Variants in DCST2 observed in about 807,000 individuals in gnomAD.
The protein encoded by DCST2 is DC-STAMP domain-containing protein 2.
DCST2 carries 64 observed loss-of-function variants against 81.8 expected under a neutral mutation model. That is an observed-to-expected ratio of 0.78 (90% CI 0.64 to 0.96). The LOEUF (loss-of-function observed/expected upper bound fraction) is 0.96, where lower values mean the gene tolerates loss of function less well. DCST2 is among the 40% of genes least tolerant of loss of function. DCST2 has a pLI of 0.00. For missense variants in DCST2, 945 were observed against 1,001.4 expected, an observed-to-expected ratio of 0.94 and a Z score of 0.76; for synonymous variants, 354 against 402.6, an observed-to-expected ratio of 0.88 and a Z score of 1.44.
chr1:155,023,624 T>C, intron 12 of DCST2, 167 bp from the exon 13 acceptor site: 1 of 1,546,972 alleles, frequency 6.5e-7, no homozygotes. Context: ...ATAAATCCTA[T>C]TCATAAATAC....
rs540622407 is a variant in DCST2 at position 155,032,849 on chromosome 1, A to G, written c.440-81T>C. The G allele has an allele frequency of 6.5e-5, 87 of 1,328,778 alleles. No homozygotes were observed. In the African/African-American group the frequency reaches 1.1e-3, roughly 17 times the overall value. The allele number at this position is 1,328,778 out of a possible 1,614,324, so 82.3% of individuals were successfully genotyped here. A position where few individuals can be genotyped will look rare whatever the true frequency, so the allele number is the denominator to read the frequency against. ...CACCATTGCCCCTTAAGCAGGGAGTAGAGAGGAGGCCACCATTTCCAGAGG... is the reference window on the plus strand; with the variant it reads ...CACCATTGCCCCTTAAGCAGGGAGTGGAGAGGAGGCCACCATTTCCAGAGG... On this transcript the variant is annotated intron_variant, in intron 2 of 14. Coordinates refer to ENST00000368424, the MANE Select transcript of DCST2 (RefSeq NM_144622.3).
rs1411947415 is a variant in DCST2, at chr1:155,030,823, A to G, written c.806-178T>C. On this transcript the variant is annotated intron_variant, in intron 5 of 14. Coordinates refer to ENST00000368424, the MANE Select transcript of DCST2 (RefSeq NM_144622.3). ...GACAAAGCCTCCACGTATCTGTGCCATCGCCATCACATGCTCAGCACCCAG... is the reference window on the plus strand; with the variant it reads ...GACAAAGCCTCCACGTATCTGTGCCGTCGCCATCACATGCTCAGCACCCAG... 6 of 647,332 alleles carry G rather than the reference A, an allele frequency of 9.3e-6. No homozygotes were observed. The East Asian group carries it at 1.4e-4, about 15-fold the overall frequency. The allele number at this position is 647,332 out of a possible 1,614,324, so 40.1% of individuals were successfully genotyped here. A position where few individuals can be genotyped will look rare whatever the true frequency, so the allele number is the denominator to read the frequency against.
At chr1:155,025,072 G>A (rs886681015) in intron 10 of DCST2, among the ~76,000 whole-genome samples, 22 of 151,368 alleles carry the variant, frequency 1.5e-4, no homozygotes, top group African/African-American at 3.6e-4. Flanking sequence ...GTTTGAACCC[G>A]GGAGGCGGAG....
intron 9 of DCST2, 23 bp downstream of exon 9, chr1:155,026,525 G>A (rs759661176): frequency 3.1e-6 from 5 of 1,613,568 alleles, no homozygotes; most frequent in Non-Finnish European, 4.2e-6. Context: ...ACGCCCCCAG[G>A]GACCTCAGGG....
chr1:155,028,429 A>G (rs1477758290), intron 8 of DCST2, among the ~76,000 whole-genome samples: 2 of 152,158 alleles, frequency 1.3e-5, no homozygotes, highest in Non-Finnish European at 2.9e-5. Flanking sequence ...CGTCTCAACT[A>G]AAAATACAAC....
intron 14 of DCST2, 121 bp from the exon 15 acceptor site, chr1:155,018,881 G>T: frequency 1.0e-6 from 1 of 968,844 alleles, no homozygotes; most frequent in Non-Finnish European, 1.5e-6. Flanking sequence ...AGCAACTCCT[G>T]CTCTCTCAGG....
At chr1:155,019,694 A>C (rs1232131361) in intron 14 of DCST2, among the ~76,000 whole-genome samples, 4 of 152,122 alleles carry the variant, frequency 2.6e-5, no homozygotes, top group Non-Finnish European at 5.9e-5. Context: ...TTCTCACTCC[A>C]TCTTGTCCTC....
At chr1:155,025,611 G>A (rs1659878548) in intron 10 of DCST2, among the ~76,000 whole-genome samples, 1 of 152,094 alleles carries the variant, frequency 6.6e-6, no homozygotes, top group Non-Finnish European at 1.5e-5. Context: ...ACAGGCATGA[G>A]CCACCAAACC....
chr1:155,029,941 T>A, intron 7 of DCST2, 143 bp downstream of exon 7: 1 of 1,288,574 alleles, frequency 7.8e-7, no homozygotes. Context: ...TTCCTTAAGC[T>A]CTGGGTTGTG....
chr1:155,020,479 T>C (rs4845701), intron 14 of DCST2, among the ~76,000 whole-genome samples: 87,934 of 152,018 alleles, frequency 0.58, 26,007 homozygotes, highest in East Asian at 0.9. Flanking sequence ...AAGTGATTCT[T>C]CTGCCTCAGC....
chr1:155,033,174 C>A lies in DCST2; in HGVS notation c.359G>T (p.Ser120Ile). 6.2e-7 allele frequency: 1 copy of A among 1,612,958 alleles called. No homozygotes were observed. The highest frequency in any genetic ancestry group is 8.5e-7 in the Non-Finnish European group (1 of 1,179,546). Residue 120 changes from serine (S) to isoleucine (I), a missense_variant, in exon 2 of 15, where the codon AGC becomes ATC. Ser to Ile is a moderately radical substitution (Grantham distance 142). Transcript: ENST00000368424. Reference sequence around the variant, plus strand: ...CTCTGCCCCACAGGCTACAGCCTCGCTGGCCCGGGTGAAGTTGCGTAGAGT... The same window carrying A: ...CTCTGCCCCACAGGCTACAGCCTCGATGGCCCGGGTGAAGTTGCGTAGAGT... Reference protein sequence around the residue: ...ANTLRNFTRASEAVACGAELA... With the variant: ...ANTLRNFTRAIEAVACGAELA...
Position 155,018,658 on chromosome 1 carries a change from G to C in DCST2, c.2208C>G (p.His736Gln). The change falls in exon 15 of 15, where the codon CAC (histidine) becomes CAG (glutamine). Residue 736 changes from histidine to glutamine, a missense_variant. By Grantham distance (24) the His-to-Gln change is conservative (BLOSUM62 0). Transcript: ENST00000368424. The stretch of plus-strand genomic sequence containing the variant: ...TGGCGGAGGATGTCTCAGGTGGTCT[G>C]TGGGGCTCAGGGCTGGTGAGAATGC... ...PVSILTSPEP[H>Q]RPPETSSATK... is the part of the protein sequence containing the mutation. 1 of 1,613,982 alleles carries C rather than the reference G, an allele frequency of 6.2e-7. No homozygotes were observed. Among genetic ancestry groups the C allele is most frequent in the Non-Finnish European group, 8.5e-7 (1 of 1,179,946 alleles).
chr1:155,024,441 C>A, intron 11 of DCST2, 31 bp downstream of exon 11: 1 of 1,555,758 alleles, frequency 6.4e-7, no homozygotes, highest in Admixed American at 1.9e-5. Flanking sequence ...CCCCTCTTGC[C>A]CCACCCCTAT....
Position 155,026,559 on chromosome 1 carries a change from T to C in DCST2, c.1499A>G (p.Tyr500Cys), listed in dbSNP as rs138732547. The stretch of plus-strand genomic sequence containing the variant: ...GGTGTAGTTGATACCAATGACTATG[T>C]AGCCAGTGCTGTCAGGCTCCGAGGG... Reference protein sequence around the residue: ...LRPSEPDSTGYIVIGVMYGLC... With the variant: ...LRPSEPDSTGCIVIGVMYGLC... The change falls in exon 9 of 15, where the codon TAC becomes TGC. Residue 500 changes from tyrosine to cysteine, a missense_variant. By Grantham distance (194) the Tyr-to-Cys change is radical (BLOSUM62 -2). Coordinates refer to ENST00000368424, the MANE Select transcript of DCST2 (RefSeq NM_144622.3). 7 of 1,614,186 alleles carry C rather than the reference T, an allele frequency of 4.3e-6. No individual in the cohort carries two copies. Among genetic ancestry groups the C allele is most frequent in the Non-Finnish European group, 5.9e-6 (7 of 1,180,038 alleles).
rs1660046585 is a variant in DCST2, at chr1:155,030,585, T to C, written c.866A>G (p.His289Arg). The change falls in exon 6 of 15, where the codon CAC (histidine) becomes CGC (arginine). Residue 289 changes from histidine (H) to arginine (R), a missense_variant. His to Arg is a conservative substitution (Grantham distance 29, BLOSUM62 0). Transcript: ENST00000368424. ...GGCATTGAGATCCACAGAGAAGTGG[T>C]GGGTGGCTGTCATGTTGAACTCAAA... ...QEFEFNMTAT[H>R]HFSVDLNASR... 3 of 1,613,904 alleles carry C rather than the reference T, an allele frequency of 1.9e-6. No individual in the cohort carries two copies. The South Asian group carries it at 3.3e-5, about 18-fold the overall frequency.
chr1:155,022,606 G>T (rs1039974108), intron 14 of DCST2, among the ~76,000 whole-genome samples: 2 of 152,020 alleles, frequency 1.3e-5, no homozygotes, highest in East Asian at 3.9e-4. Flanking sequence ...TAATAAGGCA[G>T]GTGTGATGGT....
chr1:155,024,029 C>A, intron 11 of DCST2, 70 bp from the exon 12 acceptor site: 2 of 1,548,578 alleles, frequency 1.3e-6, no homozygotes, highest in South Asian at 2.4e-5. Flanking sequence ...CCAGCACCAA[C>A]CTCCAAATGG....
At chr1:155,023,719 G>A in intron 12 of DCST2, 113 bp downstream of exon 12, 1 of 1,580,820 alleles carries the variant, frequency 6.3e-7, no homozygotes, top group Non-Finnish European at 8.6e-7. Flanking sequence ...TGAAGGGAGG[G>A]GCACAAAAGA....
chr1:155,020,587 A>G (rs1659726041), intron 14 of DCST2, among the ~76,000 whole-genome samples: 1 of 151,850 alleles, frequency 6.6e-6, no homozygotes, highest in Non-Finnish European at 1.5e-5. Flanking sequence ...GGCTGGTTTC[A>G]AACTCCTGAC....
Sources: gnomAD v4.1 joint callset for allele counts (sites outside exome capture counted in the v4.1 genomes callset) on GRCh38, gnomAD v4.1.1 for gene constraint, MANE v1.5 for transcripts, NCBI Gene and HGNC (gene_info 2026-07-23, HGNC 2026-07-21) for gene names.